Variants in LARP1B observed in about 807,000 individuals in gnomAD.
LARP1B encodes the protein la-related protein 1B.
In LARP1B, 76 loss-of-function variants were observed where a neutral mutation model predicts 114.2. That is an observed-to-expected ratio of 0.67 (90% CI 0.55 to 0.81). LARP1B has a LOEUF of 0.81. Among genes scored for constraint, LARP1B ranks in the 30% least tolerant of loss-of-function variants. LARP1B has a pLI of 0.00. For synonymous variants in LARP1B, 345 were observed against 348.0 expected, an observed-to-expected ratio of 0.99 and a Z score of 0.10; for missense variants, 1,014 against 1,075.8, an observed-to-expected ratio of 0.94 and a Z score of 0.80.
rs145965694 is a variant in LARP1B at position 128,148,711 on chromosome 4, C to T, written c.1525-13483C>T. On this transcript the variant is annotated intron_variant, in intron 11 of 19. Transcript: ENST00000326639. ...GTGGCGGGGTCTTGGCTCATTGCAA[C>T]CTCCACCCTCGGGGTTCAAGCAATT... Among the ~76,000 whole-genome samples, 107 of 152,016 alleles carry T rather than the reference C, an allele frequency of 7.0e-4. 1 individual carries two copies. In the East Asian group the frequency reaches 0.017, roughly 24 times the overall value.
intron 11 of LARP1B, chr4:128,155,476 G>T: frequency 1.3e-6 from 1 of 775,834 alleles, no homozygotes; most frequent in Non-Finnish European, 2.3e-6. Flanking sequence ...CGCAGTGCAG[G>T]CAGCCCAGCA....
At chr4:128,186,784 C>T (rs754356215) in intron 15 of LARP1B, among the ~76,000 whole-genome samples, 3 of 152,282 alleles carry the variant, frequency 2.0e-5, no homozygotes, top group African/African-American at 4.8e-5. Flanking sequence ...AGAGACCTCC[C>T]GCCGCAGGAC....
At chr4:128,222,466 C>T (rs1260422047) in exon 8 of LARP1B, 1 of 424,286 alleles carries the variant, frequency 2.4e-6, no homozygotes, top group Middle Eastern at 3.4e-4. Context: ...GCCGCCCCAC[C>T]CCACATCAAT....
chr4:128,074,495 C>A lies in LARP1B; in HGVS notation c.-42C>A, dbSNP rs868333172. On this transcript the variant is annotated 5_prime_UTR_variant, in exon 2 of 20. Coordinates refer to ENST00000326639, the MANE Select transcript of LARP1B (RefSeq NM_018078.4). ...CCTCAAAATTATAAAGGCAGGAAAG[C>A]TCAAGACAAAGAAATCCAACAAGGT... 8.6e-6 allele frequency: 8 copies of A among 932,382 alleles called. No individual in the cohort carries two copies. In the Middle Eastern group the frequency reaches 1.7e-3, roughly 193 times the overall value. 57.8% of individuals were successfully genotyped at this position (932,382 alleles called of 1,614,324 possible).
At chr4:128,078,458 G>A (rs1430007702) in intron 4 of LARP1B, among the ~76,000 whole-genome samples, 2 of 151,934 alleles carry the variant, frequency 1.3e-5, no homozygotes, top group Non-Finnish European at 2.9e-5. Flanking sequence ...AAAATTAGCC[G>A]AACATCGTGT....
chr4:128,178,860 A>AG (rs1385316576), intron 14 of LARP1B, among the ~76,000 whole-genome samples: 2 of 152,144 alleles, frequency 1.3e-5, no homozygotes, highest in Non-Finnish European at 2.9e-5. Flanking sequence ...TGGGAGACCG[A>AG]GGCAGGTGGA....
intron 12 of LARP1B, among the ~76,000 whole-genome samples, chr4:128,165,905 T>A (rs1740605214): frequency 1.3e-5 from 2 of 152,132 alleles, no homozygotes; most frequent in South Asian, 4.1e-4. Context: ...TTGGAAGCTT[T>A]AGGACCCAGT....
At chr4:128,195,872 A>T (rs1006095580) in intron 15 of LARP1B, among the ~76,000 whole-genome samples, 1 of 152,236 alleles carries the variant, frequency 6.6e-6, no homozygotes, top group Admixed American at 6.5e-5. Context: ...ACAAAGAAAG[A>T]GAGAAGATGC....
intron 10 of LARP1B, among the ~76,000 whole-genome samples, chr4:128,120,650 A>C (rs1787606649): frequency 6.6e-6 from 1 of 150,474 alleles, no homozygotes. Flanking sequence ...TTGCATTTTT[A>C]GTAGAGATGG....
intron 10 of LARP1B, 104 bp downstream of exon 10, chr4:128,114,846 A>G (rs1785244392): frequency 6.9e-6 from 7 of 1,009,346 alleles, no homozygotes; most frequent in Non-Finnish European, 1.0e-5. Flanking sequence ...GGAAAAGTTT[A>G]GCACAATTTT....
intron 11 of LARP1B, among the ~76,000 whole-genome samples, chr4:128,137,791 A>ATATT (rs1414155026): frequency 3.2e-3 from 201 of 63,554 alleles, no homozygotes; most frequent in African/African-American, 9.4e-3. Context: ...ATATATATAT[A>ATATT]TTTTTTTTTT....
chr4:128,142,092 A>G (rs1728323589), intron 11 of LARP1B, among the ~76,000 whole-genome samples: 1 of 152,140 alleles, frequency 6.6e-6, no homozygotes, highest in African/African-American at 2.4e-5. Context: ...CTGTCTCCTC[A>G]CCACCACTTG....
At chr4:128,071,421 AT>A (rs778799614) in intron 1 of LARP1B, among the ~76,000 whole-genome samples, 5,344 of 108,350 alleles carry the variant, frequency 0.049, 93 homozygotes, top group East Asian at 0.11. Context: ...TTCTTTCACA[AT>A]TTTTTTTTTT....
chr4:128,156,110 C>T, intron 11 of LARP1B: 5 of 1,609,468 alleles, frequency 3.1e-6, no homozygotes, highest in Non-Finnish European at 8.5e-7. Flanking sequence ...CCCAGCACTC[C>T]TGAGCCCTGT....
At chr4:128,139,986 T>G (rs1037293638) in intron 11 of LARP1B, among the ~76,000 whole-genome samples, 1 of 152,216 alleles carries the variant, frequency 6.6e-6, no homozygotes, top group African/African-American at 2.4e-5. Flanking sequence ...ATGTAGTTAT[T>G]GAGCCCTTGA....
At chr4:128,124,757 A>G (rs1288157055) in intron 11 of LARP1B, among the ~76,000 whole-genome samples, 2 of 152,230 alleles carry the variant, frequency 1.3e-5, no homozygotes, top group African/African-American at 4.8e-5. Flanking sequence ...GAGGAAATAT[A>G]GAAGTGAGAA....
chr4:128,116,860 CATCTT>C (rs1338462641), intron 10 of LARP1B, among the ~76,000 whole-genome samples: 1 of 150,464 alleles, frequency 6.6e-6, no homozygotes, highest in Non-Finnish European at 1.5e-5. Flanking sequence ...TTTCTTTTGT[CATCTT>C]ATGAAAGTCA....
At chr4:128,122,588 T>C in intron 11 of LARP1B, 1 of 1,501,666 alleles carries the variant, frequency 6.7e-7, no homozygotes, top group Non-Finnish European at 8.8e-7. Flanking sequence ...ACCGCAGCTG[T>C]ATGAGCCAGT....
chr4:128,105,635 G>A (rs1355411587), intron 8 of LARP1B, among the ~76,000 whole-genome samples: 1 of 152,182 alleles, frequency 6.6e-6, no homozygotes, highest in Admixed American at 6.5e-5. Flanking sequence ...TTTCACACCT[G>A]TAATCCTGCA....
Sources: allele counts gnomAD v4.1 joint callset (sites outside exome capture counted in the v4.1 genomes callset), GRCh38; gene constraint gnomAD v4.1.1; transcripts MANE v1.5; gene names NCBI Gene and HGNC (gene_info 2026-07-23, HGNC 2026-07-21).